The following USP10 variants were observed in gnomAD, a reference collection of about 807,000 sequenced individuals.
USP10 encodes ubiquitin specific peptidase 10.
In USP10, 22 loss-of-function variants were observed where a neutral mutation model predicts 84.5. The observed-to-expected ratio is 0.26, with a 90% CI of 0.19 to 0.37. USP10 has a LOEUF of 0.37. USP10 is among the 10% of genes least tolerant of loss of function. USP10 has a pLI of 1.00. For synonymous variants in USP10, 454 were observed against 387.6 expected, an observed-to-expected ratio of 1.17 and a Z score of -2.01; for missense variants, 1,019 against 998.9, an observed-to-expected ratio of 1.02 and a Z score of -0.27.
At chr16:84,733,941 T>C (rs1217166038) in intron 2 of USP10, among the ~76,000 whole-genome samples, 7 of 152,254 alleles carry the variant, frequency 4.6e-5, no homozygotes. Context: ...CGTTGTATTC[T>C]TTATGCTAAG....
At chr16:84,732,424 C>T in intron 1 of USP10, 2 of 400,666 alleles carry the variant, frequency 5.0e-6, no homozygotes, top group Non-Finnish European at 9.6e-6. Flanking sequence ...GCTAATTCTT[C>T]TCAATGACTT....
intron 1 of USP10, among the ~76,000 whole-genome samples, chr16:84,731,067 C>G (rs55864363): frequency 6.6e-6 from 1 of 150,500 alleles, no homozygotes; most frequent in African/African-American, 2.5e-5. Context: ...GCAACCTCCA[C>G]CTCCCGGGTT....
At chr16:84,705,789 G>C (rs183978393) in intron 1 of USP10, among the ~76,000 whole-genome samples, 3 of 147,474 alleles carry the variant, frequency 2.0e-5, no homozygotes, top group Non-Finnish European at 4.5e-5. Context: ...GTGCGATCTG[G>C]GTTCACTGCA....
intron 11 of USP10, among the ~76,000 whole-genome samples, chr16:84,771,669 G>A (rs1914467472): frequency 6.6e-6 from 1 of 152,140 alleles, no homozygotes; most frequent in African/African-American, 2.4e-5. Context: ...AGGAGTTCAA[G>A]ACCAGCCTGG....
intron 8 of USP10, among the ~76,000 whole-genome samples, chr16:84,762,653 T>C (rs1231305931): frequency 6.6e-6 from 1 of 150,578 alleles, no homozygotes; most frequent in African/African-American, 2.5e-5. Flanking sequence ...ATTGCACCAC[T>C]GCACTCCAGC....
chr16:84,772,777 G>GAATGTCCTCACTCT, intron 12 of USP10, 92 bp downstream of exon 12: 1 of 1,492,302 alleles, frequency 6.7e-7, no homozygotes, highest in Non-Finnish European at 9.1e-7. Context: ...GATGTCAAGA[G>GAATGTCCTCACTCT]TGAGGACATT....
chr16:84,767,116 C>T (rs1010124160), intron 10 of USP10, among the ~76,000 whole-genome samples: 2 of 152,168 alleles, frequency 1.3e-5, no homozygotes, highest in South Asian at 4.2e-4. Flanking sequence ...CATGGAGATG[C>T]GTAATTAAAC....
rs1308929149 is a variant in USP10 at position 84,747,019 on chromosome 16, C to T, written c.1192+1346C>T. 2.0e-5 allele frequency among the ~76,000 whole-genome samples: 3 copies of T among 152,186 alleles called. No homozygotes were observed. The East Asian group carries it at 5.8e-4, about 29-fold the overall frequency. On this transcript the variant is annotated intron_variant, in intron 4 of 13. Coordinates refer to ENST00000219473, the MANE Select transcript of USP10 (RefSeq NM_005153.3). ...ACATTAGCCTGGGCCTGCACAGGGT[C>T]AGGAGCATCAAGACGCCACTAGGCG...
intron 10 of USP10, among the ~76,000 whole-genome samples, chr16:84,765,290 G>T (rs1913727896): frequency 6.6e-6 from 1 of 152,020 alleles, no homozygotes; most frequent in Non-Finnish European, 1.5e-5. Context: ...AAGAGCAGCT[G>T]CAGTTTTACT....
intron 13 of USP10, among the ~76,000 whole-genome samples, chr16:84,776,851 C>T (rs569423478): frequency 1.3e-5 from 2 of 152,290 alleles, no homozygotes; most frequent in South Asian, 2.1e-4. Flanking sequence ...TTTGCTCTGT[C>T]GCCCAGGCTG....
chr16:84,741,186 A>G (rs1049503273), intron 3 of USP10, among the ~76,000 whole-genome samples: 6 of 152,246 alleles, frequency 3.9e-5, no homozygotes, highest in African/African-American at 1.4e-4. Flanking sequence ...AAGCCTTGAA[A>G]AGACTAACCA....
chr16:84,717,145 C>T (rs1233377810), intron 1 of USP10, among the ~76,000 whole-genome samples: 1 of 152,136 alleles, frequency 6.6e-6, no homozygotes, highest in African/African-American at 2.4e-5. Context: ...AGGCTGCTGG[C>T]CTGGTGACCT....
At chr16:84,747,007 C>T (rs12920732) in intron 4 of USP10, among the ~76,000 whole-genome samples, 30,215 of 152,154 alleles carry the variant, frequency 0.2, 3,629 homozygotes, top group East Asian at 0.38. Flanking sequence ...TTAGCCTGGG[C>T]CTGCACAGGG....
chr16:84,744,691 T>C lies in USP10; in HGVS notation c.210T>C (p.Thr70=). ...ATGAAGTCATTGAACCCAGTGACAC[T>C]TTGCCGAGAACCCCCAGCTACAGTA... The part of the protein sequence containing the change: ...GVDEVIEPSD[T]LPRTPSYSIS... The change falls in exon 4 of 14, where the codon ACT becomes ACC. Residue 70 remains threonine, a synonymous_variant. Transcript: ENST00000219473. 1 of 1,613,666 alleles carries C rather than the reference T, an allele frequency of 6.2e-7. No homozygotes were observed. The highest frequency in any genetic ancestry group is 1.3e-5 in the African/African-American group (1 of 75,004).
intron 5 of USP10, 40 bp from the exon 6 acceptor site, chr16:84,759,323 C>G (rs1912932505): frequency 6.4e-7 from 1 of 1,572,506 alleles, no homozygotes; most frequent in African/African-American, 1.4e-5. Flanking sequence ...TGTGGTGTGT[C>G]TGTTCATTTC....
chr16:84,775,780 T>A (rs370988922), intron 13 of USP10, among the ~76,000 whole-genome samples: 1 of 152,210 alleles, frequency 6.6e-6, no homozygotes, highest in South Asian at 2.1e-4. Context: ...CCTTGAGACC[T>A]CTTCTGTCTC....
intron 1 of USP10, among the ~76,000 whole-genome samples, chr16:84,728,390 A>T (rs576745376): frequency 1.3e-5 from 2 of 150,976 alleles, no homozygotes; most frequent in Non-Finnish European, 2.9e-5. Context: ...CCCAGGCTGG[A>T]GTTCAGTGGT....
chr16:84,732,749 C>G (rs1034097804), intron 1 of USP10, among the ~76,000 whole-genome samples: 13 of 152,138 alleles, frequency 8.5e-5, no homozygotes, highest in Middle Eastern at 3.2e-3. Flanking sequence ...CGCCAGGCCT[C>G]AATGACTTGT....
At position 84,763,053 on chromosome 16, in the gene USP10, T is replaced by C. The variant is rs1434981470; in HGVS notation, c.1619T>C (p.Leu540Ser). Residue 540 changes from leucine (L) to serine (S), a missense_variant, in exon 9 of 14, where the codon TTG (leucine) becomes TCG (serine). By Grantham distance (145) the Leu-to-Ser change is moderately radical (BLOSUM62 -2). This residue lies in a region of USP10 where 787 missense variants were observed against 708.8 expected (regional missense o/e 1.11). Coordinates refer to ENST00000219473, the MANE Select transcript of USP10 (RefSeq NM_005153.3). The part of the protein sequence containing the change: ...FILNGLHEEM[L>S]NLKKLLSPSN... ...CTAAATGGACTTCATGAGGAAATGT[T>C]GAACCTAAAGAAGCTTCTCTCACCA... is the stretch of plus-strand genomic sequence containing the variant. 1 of 1,612,634 alleles carries C rather than the reference T, an allele frequency of 6.2e-7. No homozygotes were observed. The highest frequency in any genetic ancestry group is 2.2e-5 in the East Asian group (1 of 44,854).
Sources: allele counts gnomAD v4.1 joint callset (sites outside exome capture counted in the v4.1 genomes callset), GRCh38; gene constraint gnomAD v4.1.1; regional missense constraint gnomAD v4.1.1; transcripts MANE v1.5; gene names NCBI Gene and HGNC (gene_info 2026-07-23, HGNC 2026-07-21).